Variants in FAM168B observed in about 807,000 individuals in gnomAD.
FAM168B encodes family with sequence similarity 168 member B.
FAM168B carries 19 observed loss-of-function variants against 21.8 expected under a neutral mutation model. The ratio of observed to expected loss-of-function variants is 0.87; its 90% CI spans 0.61 to 1.28. FAM168B has a LOEUF of 1.28. FAM168B is among the 50% of genes most tolerant of loss of function. The pLI is 0.00. For missense variants in FAM168B, 233 were observed against 263.1 expected, an observed-to-expected ratio of 0.89 and a Z score of 0.79; for synonymous variants, 126 against 104.8, an observed-to-expected ratio of 1.20 and a Z score of -1.24.
chr2:131,088,347 G>A (rs1693825804), intron 1 of FAM168B, among the ~76,000 whole-genome samples: 1 of 150,896 alleles, frequency 6.6e-6, no homozygotes, highest in Non-Finnish European at 1.5e-5. Flanking sequence ...GAAACAATCA[G>A]ACAAACCCCA....
chr2:131,048,624 G>A lies in FAM168B; in HGVS notation c.*3841C>T, dbSNP rs1018283477. 1.3e-5 allele frequency: 14 copies of A among 1,077,360 alleles called. No homozygotes were observed. Among genetic ancestry groups the A allele is most frequent in the Admixed American group, 4.9e-5 (1 of 20,404 alleles). The allele number at this position is 1,077,360 out of a possible 1,614,324, so 66.7% of individuals were successfully genotyped here. A position where few individuals can be genotyped will look rare whatever the true frequency, so the allele number is the denominator to read the frequency against. On this transcript the variant is annotated 3_prime_UTR_variant, in exon 7 of 7. Coordinates refer to ENST00000389915, the MANE Select transcript of FAM168B (RefSeq NM_001009993.4). Reference sequence around the variant, plus strand: ...TGTTACTTGGTCAGTTGAGCCCCTGGAGCCCTCAGGACCTACTGATAAAGC... The same window carrying A: ...TGTTACTTGGTCAGTTGAGCCCCTGAAGCCCTCAGGACCTACTGATAAAGC...
chr2:131,063,906 C>T (rs779280724), intron 3 of FAM168B, among the ~76,000 whole-genome samples: 3 of 151,998 alleles, frequency 2.0e-5, no homozygotes, highest in African/African-American at 4.8e-5. Context: ...CATATCCCTC[C>T]ATAGTAACTC....
At position 131,052,971 on chromosome 2, in the gene FAM168B, G is replaced by C; in HGVS notation, c.520C>G (p.Pro174Ala). 6.4e-7 allele frequency: 1 copy of C among 1,560,448 alleles called. No individual in the cohort carries two copies. The highest frequency in any genetic ancestry group is 8.7e-7 in the Non-Finnish European group (1 of 1,151,968). The change falls in exon 6 of 7, where the codon CCG becomes GCG. Residue 174 changes from proline (P) to alanine (A), a missense_variant. Transcript: ENST00000389915. ...GCCCGGTACGTGGGCACAGTGACCG[G>C]GTGGGGGGCGACAGGAGTTGGGGAG... ...AHSPTPVAPHPVTVPTYRAPG... is the reference protein window; with the variant it reads ...AHSPTPVAPHAVTVPTYRAPG...
At position 131,048,741 on chromosome 2, in the gene FAM168B, G is replaced by A. The variant is rs919062667; in HGVS notation, c.*3724C>T. The A allele has an allele frequency of 3.6e-5, 36 of 987,034 alleles. No homozygotes were observed. The highest frequency in any genetic ancestry group is 7.0e-5 in the African/African-American group (4 of 57,232). 61.1% of individuals were successfully genotyped at this position (987,034 alleles called of 1,614,324 possible). On this transcript the variant is annotated 3_prime_UTR_variant, in exon 7 of 7. Coordinates refer to ENST00000389915, the MANE Select transcript of FAM168B (RefSeq NM_001009993.4). ...CAGAGGTACTAGAGGGGAGAAATAC[G>A]TGCTCTGCCTTCCCCCAGGCCAACC... is the stretch of plus-strand genomic sequence containing the variant.
intron 2 of FAM168B, among the ~76,000 whole-genome samples, chr2:131,076,259 G>A (rs1003295229): frequency 1.3e-5 from 2 of 152,108 alleles, no homozygotes; most frequent in African/African-American, 4.8e-5. Flanking sequence ...CACAGAGACC[G>A]TCTCCTTCAG....
chr2:131,049,635 G>A lies in FAM168B; in HGVS notation c.*2830C>T, dbSNP rs912443072. ...CTCCCCAAGCCTCAGGGGAGAAGGT[G>A]TAGAACAAATATTTTTTAAATAGCC... is the stretch of plus-strand genomic sequence containing the variant. On this transcript the variant is annotated 3_prime_UTR_variant, in exon 7 of 7. Transcript: ENST00000389915. The A allele has an allele frequency of 2.0e-6, 2 of 985,530 alleles. No homozygotes were observed. The highest frequency in any genetic ancestry group is 1.2e-6 in the Non-Finnish European group (1 of 829,948). The allele number at this position is 985,530 out of a possible 1,614,324, so 61.0% of individuals were successfully genotyped here.
rs1295248303 is a variant in FAM168B, at chr2:131,055,392, T to A, written c.355A>T (p.Thr119Ser). The change falls in exon 5 of 7, where the codon ACC becomes TCC. Residue 119 changes from threonine (T) to serine (S), a missense_variant. Physicochemically the swap from Thr to Ser is moderately conservative, Grantham distance 58 (BLOSUM62 1). Coordinates refer to ENST00000389915, the MANE Select transcript of FAM168B (RefSeq NM_001009993.4). ...YAAPPHVIHH[T>S]TVVQPNGMPA... ...ATGCCGTTGGGCTGCACCACCGTGG[T>A]GTGGTGGATGACGTGAGGAGGTGCT... The A allele has an allele frequency of 6.2e-7, 1 of 1,605,616 alleles. No individual in the cohort carries two copies. Among genetic ancestry groups the A allele is most frequent in the Non-Finnish European group, 8.5e-7 (1 of 1,177,264 alleles).
chr2:131,050,069 G>C lies in FAM168B; in HGVS notation c.*2396C>G. On this transcript the variant is annotated 3_prime_UTR_variant, in exon 7 of 7. Transcript: ENST00000389915. ...TAAAGCCTCTCAACTTCATAAAAGG[G>C]AAAAAAGGTTAAGTTACAGGGAGGA... 1 of 985,404 alleles carries C rather than the reference G, an allele frequency of 1.0e-6. No homozygotes were observed. Among genetic ancestry groups the C allele is most frequent in the East Asian group, 1.1e-4 (1 of 8,822 alleles). The allele number at this position is 985,404 out of a possible 1,614,324, so 61.0% of individuals were successfully genotyped here.
rs775868785 is a variant in FAM168B, at chr2:131,049,122, G to C, written c.*3343C>G. On this transcript the variant is annotated 3_prime_UTR_variant, in exon 7 of 7. Coordinates refer to ENST00000389915, the MANE Select transcript of FAM168B (RefSeq NM_001009993.4). Reference sequence around the variant, plus strand: ...TACATACCTTACGGGGGCCAACACTGACAGGTATTAGTACGTCGCAAGTTG... The same window carrying C: ...TACATACCTTACGGGGGCCAACACTCACAGGTATTAGTACGTCGCAAGTTG... 1 of 985,446 alleles carries C rather than the reference G, an allele frequency of 1.0e-6. No homozygotes were observed. Among genetic ancestry groups the C allele is most frequent in the African/African-American group, 1.7e-5 (1 of 57,352 alleles). The allele number at this position is 985,446 out of a possible 1,614,324, so 61.0% of individuals were successfully genotyped here. A position where few individuals can be genotyped will look rare whatever the true frequency, so the allele number is the denominator to read the frequency against.
chr2:131,082,506 C>T, intron 2 of FAM168B, 71 bp downstream of exon 2: 1 of 1,039,140 alleles, frequency 9.6e-7, no homozygotes, highest in East Asian at 2.5e-5. Context: ...CAATAGAAAG[C>T]ATTCTTAGTG....
At position 131,048,016 on chromosome 2, in the gene FAM168B, C is replaced by T. The variant is rs1364691085; in HGVS notation, c.*4449G>A. 1 of 328,774 alleles carries T rather than the reference C, an allele frequency of 3.0e-6. No individual in the cohort carries two copies. The highest frequency in any genetic ancestry group is 5.5e-6 in the Non-Finnish European group (1 of 183,282). The allele number at this position is 328,774 out of a possible 1,614,324, so 20.4% of individuals were successfully genotyped here. ...AAAATTAAAATAGTATCAATTGACA[C>T]CTAACTGAACTGGCTCAGGATGGAA... On this transcript the variant is annotated 3_prime_UTR_variant, in exon 7 of 7. Coordinates refer to ENST00000389915, the MANE Select transcript of FAM168B (RefSeq NM_001009993.4).
chr2:131,055,819 GC>G, intron 3 of FAM168B, 124 bp from the exon 4 acceptor site: 1 of 1,156,936 alleles, frequency 8.6e-7, no homozygotes, highest in East Asian at 2.6e-5. Flanking sequence ...TGCTGCCACT[GC>G]CGCCCCCACT....
At chr2:131,073,108 T>C (rs918490909) in intron 2 of FAM168B, among the ~76,000 whole-genome samples, 3 of 152,128 alleles carry the variant, frequency 2.0e-5, no homozygotes, top group African/African-American at 2.4e-5. Context: ...CTTTTTTTTT[T>C]CTAAGACAGA....
Position 131,090,686 on chromosome 2 carries a change from T to A in FAM168B, c.-12+2528A>T, listed in dbSNP as rs1693971163. On this transcript the variant is annotated intron_variant, in intron 1 of 6. Coordinates refer to ENST00000389915, the MANE Select transcript of FAM168B (RefSeq NM_001009993.4). ...TTTGAGATCAGCCTGGGCGATATAG[T>A]GAGACTCCCATCTCTACAAAATGAA... is the stretch of plus-strand genomic sequence containing the variant. Among the ~76,000 whole-genome samples, 3 of 152,092 alleles carry A rather than the reference T, an allele frequency of 2.0e-5. No individual in the cohort carries two copies. In the South Asian group the frequency reaches 6.2e-4, roughly 31 times the overall value.
chr2:131,093,039 C>T (rs971289524), intron 1 of FAM168B, among the ~76,000 whole-genome samples, 175 bp downstream of exon 1: 20 of 151,574 alleles, frequency 1.3e-4, no homozygotes, highest in Non-Finnish European at 2.2e-4. Flanking sequence ...TCCGGCCGAG[C>T]TCCGCCCCCG....
At position 131,051,676 on chromosome 2, in the gene FAM168B, G is replaced by A. The variant is rs1205888412; in HGVS notation, c.*789C>T. 1 of 985,238 alleles carries A rather than the reference G, an allele frequency of 1.0e-6. No individual in the cohort carries two copies. Among genetic ancestry groups the A allele is most frequent in the Non-Finnish European group, 1.2e-6 (1 of 829,922 alleles). The allele number at this position is 985,238 out of a possible 1,614,324, so 61.0% of individuals were successfully genotyped here. A position where few individuals can be genotyped will look rare whatever the true frequency, so the allele number is the denominator to read the frequency against. On this transcript the variant is annotated 3_prime_UTR_variant, in exon 7 of 7. Coordinates refer to ENST00000389915, the MANE Select transcript of FAM168B (RefSeq NM_001009993.4). ...AACTGTAATGAAAATTTAGATAGCA[G>A]AGAAACTGCTTTGCTGACACATAAA...
At chr2:131,055,506 C>CA (rs1691968243) in intron 4 of FAM168B, 47 bp downstream of exon 4, 1 of 1,599,010 alleles carries the variant, frequency 6.3e-7, no homozygotes, top group Admixed American at 1.8e-5. Context: ...GATGAACGCC[C>CA]AGGTGGTATC....
chr2:131,069,329 T>A (rs911522775), intron 3 of FAM168B, among the ~76,000 whole-genome samples: 1 of 152,230 alleles, frequency 6.6e-6, no homozygotes, highest in Non-Finnish European at 1.5e-5. Context: ...ACATGCCACA[T>A]TGATACGTAT....
At chr2:131,077,220 A>T (rs1012547150) in intron 2 of FAM168B, among the ~76,000 whole-genome samples, 7 of 151,118 alleles carry the variant, frequency 4.6e-5, no homozygotes, top group African/African-American at 1.7e-4. Context: ...TTTAAAAAAA[A>T]AAAAAAAAAA....
Sources: gnomAD v4.1 joint callset for allele counts (sites outside exome capture counted in the v4.1 genomes callset) on GRCh38, gnomAD v4.1.1 for gene constraint, MANE v1.5 for transcripts, NCBI Gene and HGNC (gene_info 2026-07-23, HGNC 2026-07-21) for gene names.